MINPP1: variants seen among roughly 807,000 people sequenced by gnomAD.
MINPP1 encodes multiple inositol-polyphosphate phosphatase 1, also known as multiple inositol polyphosphate phosphatase 1.
In MINPP1, 28 loss-of-function variants were observed where a neutral mutation model predicts 46.1. The ratio of observed to expected loss-of-function variants is 0.61; its 90% CI spans 0.45 to 0.83. The LOEUF (loss-of-function observed/expected upper bound fraction) is 0.83, where lower values mean the gene tolerates loss of function less well. MINPP1 is among the 40% of genes least tolerant of loss of function. The probability of loss-of-function intolerance (pLI) is 0.00; values close to 1 mark genes in which losing one functional copy is unlikely to be tolerated. For synonymous variants in MINPP1, 268 were observed against 249.1 expected (o/e 1.08, Z -0.72); for missense variants, 603 against 610.0 (o/e 0.99, Z 0.12).
intron 4 of MINPP1, 144 bp from the exon 5 acceptor site, chr10:87,551,938 G>C: frequency 1.5e-6 from 1 of 675,854 alleles, no homozygotes; most frequent in South Asian, 2.3e-5. Flanking sequence ...TCAGCCGTAT[G>C]CTTGTGTAAT....
intron 4 of MINPP1, among the ~76,000 whole-genome samples, chr10:87,548,538 A>G (rs962023167): frequency 1.3e-5 from 2 of 152,218 alleles, no homozygotes; most frequent in Non-Finnish European, 2.9e-5. Flanking sequence ...GTAGCAAGCT[A>G]TGTTAAGTCA....
At chr10:87,544,282 T>C (rs1564682862) in intron 4 of MINPP1, among the ~76,000 whole-genome samples, 1 of 152,078 alleles carries the variant, frequency 6.6e-6, no homozygotes, top group Non-Finnish European at 1.5e-5. Flanking sequence ...TAAAATGAGG[T>C]ATGGGGGAAA....
At chr10:87,506,526 A>G (rs1050783660) in intron 1 of MINPP1, among the ~76,000 whole-genome samples, 1 of 152,226 alleles carries the variant, frequency 6.6e-6, no homozygotes, top group African/African-American at 2.4e-5. Flanking sequence ...TGATACACGA[A>G]CACATTAAAT....
chr10:87,525,702 C>T (rs1420266255), intron 4 of MINPP1, among the ~76,000 whole-genome samples: 2 of 152,342 alleles, frequency 1.3e-5, no homozygotes, highest in Middle Eastern at 3.4e-3. Flanking sequence ...CCCCCTCCCC[C>T]TACCCCACGA....
intron 4 of MINPP1, among the ~76,000 whole-genome samples, chr10:87,525,344 A>T (rs1324271807): frequency 6.6e-6 from 1 of 152,170 alleles, no homozygotes; most frequent in Admixed American, 6.5e-5. Context: ...GTCTGCATGC[A>T]TTGGCATATT....
intron 3 of MINPP1, among the ~76,000 whole-genome samples, chr10:87,518,667 C>A (rs1180746395): frequency 1.4e-4 from 22 of 152,158 alleles, no homozygotes; most frequent in African/African-American, 4.6e-4. Flanking sequence ...CCAAGTGCCC[C>A]ATCGGTACTC....
At chr10:87,535,592 G>C (rs191726814) in intron 4 of MINPP1, among the ~76,000 whole-genome samples, 90 of 152,232 alleles carry the variant, frequency 5.9e-4, no homozygotes, top group African/African-American at 2.0e-3. Context: ...ATCTATGCCA[G>C]AGAAAAACAG....
At chr10:87,542,392 C>G (rs547895200) in intron 4 of MINPP1, among the ~76,000 whole-genome samples, 1 of 152,016 alleles carries the variant, frequency 6.6e-6, no homozygotes, top group South Asian at 2.1e-4. Context: ...CTTGACCTCT[C>G]TGGCACAAGC....
intron 4 of MINPP1, among the ~76,000 whole-genome samples, chr10:87,526,297 A>G (rs1168956849): frequency 1.3e-5 from 2 of 152,188 alleles, no homozygotes; most frequent in Non-Finnish European, 2.9e-5. Context: ...TCTGATGGCC[A>G]GTGATGATGA....
At chr10:87,513,636 G>C (rs933178239) in intron 3 of MINPP1, among the ~76,000 whole-genome samples, 2 of 152,120 alleles carry the variant, frequency 1.3e-5, no homozygotes, top group African/African-American at 4.8e-5. Context: ...GTTTTCATGG[G>C]AAATTGTGTT....
chr10:87,529,037 C>CT (rs1047445751), intron 4 of MINPP1, among the ~76,000 whole-genome samples: 2 of 151,942 alleles, frequency 1.3e-5, no homozygotes, highest in South Asian at 2.1e-4. Flanking sequence ...GCAACCCCTG[C>CT]TTTTTTTTGT....
chr10:87,504,976 GCGGCGCTGCT>G lies in MINPP1; in HGVS notation c.63_72del (p.Ala22ArgfsTer9). On this transcript the variant is annotated frameshift_variant, in exon 1 of 5. Coordinates refer to ENST00000371996, the MANE Select transcript of MINPP1 (RefSeq NM_004897.5). LOFTEE classifies it high-confidence loss of function. ...CGTAGCGCCTGCCGCGGCCCTGGCT[GCGGCGCTGCT>G]CTCGTCGCTTGCGCGCTGCTCTCTT... The G allele has an allele frequency of 6.2e-7, 1 of 1,612,224 alleles. No homozygotes were observed. The highest frequency in any genetic ancestry group is 8.5e-7 in the Non-Finnish European group (1 of 1,179,640).
intron 4 of MINPP1, among the ~76,000 whole-genome samples, chr10:87,529,998 G>T (rs1370685247): frequency 6.6e-6 from 1 of 152,076 alleles, no homozygotes; most frequent in Non-Finnish European, 1.5e-5. Context: ...GATTGAATCG[G>T]CTACTGAAGC....
chr10:87,531,122 A>G (rs1851653861), intron 4 of MINPP1, among the ~76,000 whole-genome samples: 3 of 152,064 alleles, frequency 2.0e-5, no homozygotes, highest in African/African-American at 7.3e-5. Context: ...TTGGCTAAGA[A>G]AGGGAATTCC....
At chr10:87,516,948 T>C (rs2131809970) in intron 3 of MINPP1, among the ~76,000 whole-genome samples, 1 of 152,312 alleles carries the variant, frequency 6.6e-6, no homozygotes, top group East Asian at 1.9e-4. Flanking sequence ...GTGTGTTTTT[T>C]TTCTTTTGGT....
intron 3 of MINPP1, among the ~76,000 whole-genome samples, chr10:87,517,172 T>TA (rs1416209351): frequency 4.6e-5 from 7 of 150,650 alleles, no homozygotes; most frequent in East Asian, 1.9e-4. Flanking sequence ...CGACACAAGT[T>TA]AAAAAAAAAG....
In MINPP1 at chr10:87,552,447, CA is replaced by C. The variant is rs769075798; in HGVS notation, c.1435del (p.Arg479GlyfsTer11). On this transcript the variant is annotated frameshift_variant, in exon 5 of 5. Coordinates refer to ENST00000371996, the MANE Select transcript of MINPP1 (RefSeq NM_004897.5). LOFTEE classifies it high-confidence loss of function. ...CAAACCAGTGAAGAATGTGAATTAGCAAGGGCTAACAGTACATCTGATGAAC... is the reference window on the plus strand; with the variant it reads ...CAAACCAGTGAAGAATGTGAATTAGCAGGGCTAACAGTACATCTGATGAAC... ...SCQTSEECELARANSTSDEL is the reference protein window; with the variant it reads ...SCQTSEECELXRANSTSDEL 1 of 1,612,992 alleles carries C rather than the reference CA, an allele frequency of 6.2e-7. No homozygotes were observed. The highest frequency in any genetic ancestry group is 8.5e-7 in the Non-Finnish European group (1 of 1,179,636).
rs369582714 is a variant in MINPP1, at chr10:87,537,315, C to T, written c.1068-14767C>T. ...TTTCAGTTGTTCCACATCCTGCCAA[C>T]GCTTCATATGGCAGGTCTTTTTAAT... On this transcript the variant is annotated intron_variant, in intron 4 of 4. Coordinates refer to ENST00000371996, the MANE Select transcript of MINPP1 (RefSeq NM_004897.5). Among the ~76,000 whole-genome samples the T allele has an allele frequency of 1.5e-4, 23 of 152,276 alleles. No homozygotes were observed. In the East Asian group the frequency reaches 2.3e-3, roughly 15 times the overall value.
chr10:87,524,820 C>G (rs1851551319), intron 4 of MINPP1, among the ~76,000 whole-genome samples: 1 of 152,058 alleles, frequency 6.6e-6, no homozygotes, highest in East Asian at 1.9e-4. Context: ...AATTTACCAT[C>G]TTATATGGGT....
Sources: gnomAD v4.1 joint callset for allele counts (sites outside exome capture counted in the v4.1 genomes callset) on GRCh38, gnomAD v4.1.1 for gene constraint, MANE v1.5 for transcripts, NCBI Gene and HGNC (gene_info 2026-07-23, HGNC 2026-07-21) for gene names.